Variants in RUSC2 observed in about 807,000 individuals in gnomAD.
RUSC2 encodes the protein RUN and SH3 domain containing 2.
A neutral mutation model predicts 122.2 loss-of-function variants in RUSC2; 34 were observed. The ratio of observed to expected loss-of-function variants is 0.28; its 90% CI spans 0.21 to 0.37. The LOEUF is 0.37. RUSC2 is among the 10% of genes least tolerant of loss of function. The probability of loss-of-function intolerance (pLI) is 1.00; values close to 1 mark genes in which losing one functional copy is unlikely to be tolerated. For missense variants in RUSC2, 1,747 were observed against 1,952.4 expected (o/e 0.89, Z 1.98); for synonymous variants, 784 against 790.0 (o/e 0.99, Z 0.13).
At chr9:35,514,140 G>T (rs1408149543) in intron 1 of RUSC2, among the ~76,000 whole-genome samples, 1 of 151,870 alleles carries the variant, frequency 6.6e-6, no homozygotes, top group African/African-American at 2.4e-5. Context: ...TGGTAGACAG[G>T]GTTCCTGCCC....
Position 35,548,168 on chromosome 9 carries a change from G to C in RUSC2, c.1647G>C (p.Lys549Asn). 6.2e-7 allele frequency: 1 copy of C among 1,613,362 alleles called. No individual in the cohort carries two copies. ...TCACCTCCTTTGCCGAGCTGGCCAA[G>C]GGCCGGAAGAAAACTGGAGGCTCTG... Reference protein sequence around the residue: ...RRVTSFAELAKGRKKTGGSGS... With the variant: ...RRVTSFAELANGRKKTGGSGS... Residue 549 changes from lysine to asparagine, a missense_variant, in exon 2 of 12, where the codon AAG (lysine) becomes AAC (asparagine). Transcript: ENST00000361226. The surrounding 1 kb of genome is among the most constrained non-coding windows in gnomAD (Gnocchi z 4.5).
intron 1 of RUSC2, among the ~76,000 whole-genome samples, chr9:35,537,265 C>T (rs769786572): frequency 7.9e-5 from 12 of 152,172 alleles, no homozygotes; most frequent in Non-Finnish European, 1.6e-4. Context: ...AGACCCTGGG[C>T]CCAGAGCTCT....
chr9:35,510,369 A>T (rs1309938419), intron 1 of RUSC2, among the ~76,000 whole-genome samples: 2 of 152,172 alleles, frequency 1.3e-5, no homozygotes, highest in Non-Finnish European at 2.9e-5. Flanking sequence ...TTTAAAGAGA[A>T]AACAGATAAT....
rs1317552521 is a variant in RUSC2, at chr9:35,555,138, T to C, written c.2093T>C (p.Val698Ala). The C allele has an allele frequency of 1.2e-6, 2 of 1,613,676 alleles. No individual in the cohort carries two copies. Among genetic ancestry groups the C allele is most frequent in the Non-Finnish European group, 1.7e-6 (2 of 1,179,976 alleles). The change falls in exon 3 of 12, where the codon GTG becomes GCG. Residue 698 changes from valine to alanine, a missense_variant. By Grantham distance (64) the Val-to-Ala change is moderately conservative (BLOSUM62 0). Transcript: ENST00000361226. The surrounding 1 kb of genome is among the most constrained non-coding windows in gnomAD (Gnocchi z 4.6). ...RPTTLPIQPF[V>A]FQHHFPKQLA... The stretch of plus-strand genomic sequence containing the variant: ...ACCACACTGCCCATCCAGCCCTTCG[T>C]GTTCCAGCACCACTTCCCCAAGCAG...
intron 2 of RUSC2, among the ~76,000 whole-genome samples, chr9:35,552,531 T>C (rs1434909320): frequency 6.6e-6 from 1 of 152,106 alleles, no homozygotes; most frequent in African/African-American, 2.4e-5. Flanking sequence ...TTGAGTTGAT[T>C]TGGGATATTT....
Position 35,546,881 on chromosome 9 carries a change from C to A in RUSC2, c.360C>A (p.Asp120Glu). The A allele has an allele frequency of 1.3e-6, 2 of 1,596,588 alleles. No individual in the cohort carries two copies. Among genetic ancestry groups the A allele is most frequent in the Non-Finnish European group, 1.7e-6 (2 of 1,171,780 alleles). Residue 120 changes from aspartate (D) to glutamate (E), a missense_variant, in exon 2 of 12, where the codon GAC becomes GAA. Asp to Glu is a conservative substitution (Grantham distance 45). Transcript: ENST00000361226. This position sits in a 1 kb window ranked among gnomAD's most constrained non-coding sequence, Gnocchi z 4.3. ...GEPGLGDLYD[D>E]SIGDSATQQS... ...CAGGACTTGGTGACCTGTATGATGA[C>A]AGCATTGGTGACAGTGCCACCCAGC...
At chr9:35,528,346 T>C (rs1205799761) in intron 1 of RUSC2, among the ~76,000 whole-genome samples, 1 of 151,744 alleles carries the variant, frequency 6.6e-6, no homozygotes, top group Non-Finnish European at 1.5e-5. Flanking sequence ...ATTGGGCCAC[T>C]GCACTCCAGC....
At chr9:35,554,933 C>A in intron 2 of RUSC2, 127 bp from the exon 3 acceptor site, 1 of 1,053,796 alleles carries the variant, frequency 9.5e-7, no homozygotes, top group Non-Finnish European at 1.4e-6. Flanking sequence ...CCACGAACTT[C>A]TACCCCATTC....
chr9:35,561,256 A>G lies in RUSC2; in HGVS notation c.4425A>G (p.Arg1475=). 1 of 1,614,160 alleles carries G rather than the reference A, an allele frequency of 6.2e-7. No homozygotes were observed. Among genetic ancestry groups the G allele is most frequent in the Non-Finnish European group, 8.5e-7 (1 of 1,180,020 alleles). The change falls in exon 12 of 12, where the codon CGA becomes CGG. Residue 1475 remains arginine, a synonymous_variant. Transcript: ENST00000361226. ...GCTTCCACAAAGGAGACATCCTACG[A>G]GTGCTGGGGCGAGCTGGAGGAGACT... ...QLSFHKGDIL[R]VLGRAGGDWL...
intron 1 of RUSC2, among the ~76,000 whole-genome samples, chr9:35,518,717 G>A (rs1821154099): frequency 1.3e-5 from 2 of 152,202 alleles, no homozygotes; most frequent in African/African-American, 4.8e-5. Context: ...GGAATTTGAT[G>A]TACGTGCTAA....
intron 1 of RUSC2, among the ~76,000 whole-genome samples, chr9:35,516,161 A>T (rs1379581173): frequency 2.0e-5 from 3 of 152,112 alleles, no homozygotes; most frequent in Non-Finnish European, 4.4e-5. Context: ...GGGGAGGTAT[A>T]ACTACAAAGA....
chr9:35,542,759 C>T (rs1006050857), intron 1 of RUSC2, among the ~76,000 whole-genome samples: 2 of 152,158 alleles, frequency 1.3e-5, no homozygotes, highest in Non-Finnish European at 2.9e-5. Context: ...TTGTCAGTGC[C>T]CTCCAGCCAA....
chr9:35,534,688 G>A (rs1204294970), intron 1 of RUSC2, among the ~76,000 whole-genome samples: 1 of 152,098 alleles, frequency 6.6e-6, no homozygotes, highest in Non-Finnish European at 1.5e-5. Flanking sequence ...TTGCCATGTT[G>A]GCCAGGCTGG....
intron 1 of RUSC2, among the ~76,000 whole-genome samples, chr9:35,495,477 A>T (rs1026488386): frequency 3.3e-5 from 5 of 151,376 alleles, no homozygotes; most frequent in African/African-American, 1.2e-4. Flanking sequence ...TCATCTGACC[A>T]GATATGTGAG....
intron 1 of RUSC2, among the ~76,000 whole-genome samples, chr9:35,518,720 C>T (rs773517794): frequency 8.5e-5 from 13 of 152,284 alleles, no homozygotes; most frequent in East Asian, 1.9e-4. Flanking sequence ...ATTTGATGTA[C>T]GTGCTAAAAA....
At chr9:35,552,018 G>A (rs141400577) in intron 2 of RUSC2, among the ~76,000 whole-genome samples, 120 of 151,732 alleles carry the variant, frequency 7.9e-4, no homozygotes, top group African/African-American at 2.8e-3. Context: ...AGCTATGATT[G>A]CACCACTGCA....
At position 35,547,229 on chromosome 9, in the gene RUSC2, C is replaced by T. The variant is rs772593788; in HGVS notation, c.708C>T (p.Ser236=). The change falls in exon 2 of 12, where the codon TCC becomes TCT. Residue 236 remains serine, a synonymous_variant. Coordinates refer to ENST00000361226, the MANE Select transcript of RUSC2 (RefSeq NM_014806.5). This position sits in a 1 kb window ranked among gnomAD's most constrained non-coding sequence, Gnocchi z 4.6. ...DQEWKLSSDE[S]PRNPGCSGSG... Reference sequence around the variant, plus strand: ...AATGGAAGCTCAGTTCAGATGAATCCCCAAGGAACCCTGGATGCTCCGGCT... The same window carrying T: ...AATGGAAGCTCAGTTCAGATGAATCTCCAAGGAACCCTGGATGCTCCGGCT... 2 of 1,614,144 alleles carry T rather than the reference C, an allele frequency of 1.2e-6. No homozygotes were observed. The highest frequency in any genetic ancestry group is 1.1e-5 in the South Asian group (1 of 91,072).
Position 35,547,206 on chromosome 9 carries a change from T to G in RUSC2, c.685T>G (p.Trp229Gly), listed in dbSNP as rs746193398. ...CTCTGGCTTTTCCTTTGACCAGGAA[T>G]GGAAGCTCAGTTCAGATGAATCCCC... is the stretch of plus-strand genomic sequence containing the variant. ...DTSGFSFDQE[W>G]KLSSDESPRN... Residue 229 changes from tryptophan to glycine, a missense_variant, in exon 2 of 12, where the codon TGG becomes GGG. Coordinates refer to ENST00000361226, the MANE Select transcript of RUSC2 (RefSeq NM_014806.5). This position sits in a 1 kb window ranked among gnomAD's most constrained non-coding sequence, Gnocchi z 4.6. 7.4e-6 allele frequency: 12 copies of G among 1,614,168 alleles called. No homozygotes were observed. In the South Asian group the frequency reaches 1.3e-4, roughly 18 times the overall value.
chr9:35,527,554 C>T (rs1283554923), intron 1 of RUSC2, among the ~76,000 whole-genome samples: 2 of 152,072 alleles, frequency 1.3e-5, no homozygotes, highest in Non-Finnish European at 2.9e-5. Context: ...AATTCATTGC[C>T]ACTCGCTTAC....
Sources: gnomAD v4.1 joint callset for allele counts (sites outside exome capture counted in the v4.1 genomes callset) on GRCh38, gnomAD v4.1.1 for gene constraint, Gnocchi (gnomAD v3.1) non-coding constraint, MANE v1.5 for transcripts, NCBI Gene and HGNC (gene_info 2026-07-23, HGNC 2026-07-21) for gene names.